The following CACHD1 variants were observed in gnomAD, a reference collection of about 807,000 sequenced individuals.
CACHD1 encodes the protein VWFA and cache domain-containing protein 1.
CACHD1 carries 71 observed loss-of-function variants against 138.7 expected under a neutral mutation model. That is an observed-to-expected ratio of 0.51 (90% CI 0.42 to 0.62). The LOEUF is 0.62. Ranked by LOEUF, CACHD1 falls within the 20% of genes least tolerant of loss-of-function variation. The pLI, the probability that CACHD1 is intolerant of heterozygous loss-of-function variation, is 0.00. For missense variants in CACHD1, 1,389 were observed against 1,625.3 expected, an observed-to-expected ratio of 0.85 and a Z score of 2.50; for synonymous variants, 578 against 591.5, an observed-to-expected ratio of 0.98 and a Z score of 0.33.
chr1:64,631,999 T>C (rs1222074132), intron 5 of CACHD1, among the ~76,000 whole-genome samples: 1 of 152,076 alleles, frequency 6.6e-6, no homozygotes, highest in Non-Finnish European at 1.5e-5. Context: ...TCACGGGTTA[T>C]AGGCTGCCTC....
At chr1:64,643,656 G>A (rs1648806790) in intron 8 of CACHD1, among the ~76,000 whole-genome samples, 1 of 152,134 alleles carries the variant, frequency 6.6e-6, no homozygotes, top group Admixed American at 6.5e-5. Flanking sequence ...CTAACACGGT[G>A]AAACCCCATC....
intron 1 of CACHD1, among the ~76,000 whole-genome samples, chr1:64,525,136 A>G (rs923089342): frequency 6.6e-6 from 1 of 152,198 alleles, no homozygotes; most frequent in Non-Finnish European, 1.5e-5. Context: ...GCATATTAAA[A>G]TATTATAATA....
At chr1:64,550,048 C>T (rs1646747382) in intron 1 of CACHD1, among the ~76,000 whole-genome samples, 1 of 152,058 alleles carries the variant, frequency 6.6e-6, no homozygotes, top group African/African-American at 2.4e-5. Context: ...TATTTCCTGG[C>T]ATGTAAGAAC....
At chr1:64,526,256 A>G (rs1646537669) in intron 1 of CACHD1, among the ~76,000 whole-genome samples, 2 of 152,154 alleles carry the variant, frequency 1.3e-5, no homozygotes. Flanking sequence ...GTTAAGGTGC[A>G]AGCAAGATTC....
intron 3 of CACHD1, among the ~76,000 whole-genome samples, chr1:64,602,465 A>G (rs1008529079): frequency 1.1e-5 from 1 of 89,750 alleles, no homozygotes; most frequent in Non-Finnish European, 2.3e-5. Context: ...CAGAGCTCCC[A>G]TCTGATTTTT....
rs561954358 is a variant in CACHD1, at chr1:64,537,229, T to C, written c.199-13365T>C. On this transcript the variant is annotated intron_variant, in intron 1 of 26. Coordinates refer to ENST00000651257, the MANE Select transcript of CACHD1 (RefSeq NM_020925.4). ...TTTAAAGGTTAGCCGATGATTGCGT[T>C]TTCCCCTCACCCAGTACTTATGCTG... Among the ~76,000 whole-genome samples the C allele has an allele frequency of 4.6e-5, 7 of 151,174 alleles. 1 individual carries two copies. The South Asian group carries it at 1.5e-3, about 32-fold the overall frequency.
At chr1:64,594,565 C>T (rs767452315) in intron 3 of CACHD1, among the ~76,000 whole-genome samples, 2 of 152,082 alleles carry the variant, frequency 1.3e-5, no homozygotes, top group Admixed American at 1.3e-4. Flanking sequence ...TGATGAGTAC[C>T]CTTATAGCAG....
intron 1 of CACHD1, among the ~76,000 whole-genome samples, chr1:64,471,732 AT>A (rs1646146510): frequency 6.6e-6 from 1 of 152,224 alleles, no homozygotes; most frequent in Admixed American, 6.5e-5. Flanking sequence ...AGCAAAGTGA[AT>A]AAGGTTCCCA....
intron 1 of CACHD1, among the ~76,000 whole-genome samples, chr1:64,515,673 C>T (rs1031247917): frequency 6.6e-6 from 1 of 152,194 alleles, no homozygotes; most frequent in African/African-American, 2.4e-5. Flanking sequence ...TGCTTGTTAG[C>T]TCCCTAGCTG....
chr1:64,550,868 T>A (rs866322425), intron 2 of CACHD1, among the ~76,000 whole-genome samples: 1 of 152,238 alleles, frequency 6.6e-6, no homozygotes, highest in Non-Finnish European at 1.5e-5. Context: ...CTATCCACGC[T>A]ATAATTTGGA....
chr1:64,681,541 GTTTTT>G (rs57993424), intron 25 of CACHD1, among the ~76,000 whole-genome samples: 34 of 68,150 alleles, frequency 5.0e-4, no homozygotes, highest in African/African-American at 1.8e-3. Context: ...ATTTTATTGT[GTTTTT>G]TTTTTTTTTT....
chr1:64,651,089 A>G (rs182461562), intron 9 of CACHD1, among the ~76,000 whole-genome samples: 1 of 151,868 alleles, frequency 6.6e-6, no homozygotes, highest in Non-Finnish European at 1.5e-5. Context: ...TAATTATCCT[A>G]TTGTTGTTGT....
chr1:64,686,865 A>T (rs1171399820), intron 26 of CACHD1, among the ~76,000 whole-genome samples: 3 of 152,226 alleles, frequency 2.0e-5, no homozygotes, highest in Non-Finnish European at 4.4e-5. Flanking sequence ...TTTGTAGATG[A>T]ACGTAAGACC....
At chr1:64,595,493 G>A (rs1191670494) in intron 3 of CACHD1, among the ~76,000 whole-genome samples, 3 of 152,102 alleles carry the variant, frequency 2.0e-5, no homozygotes, top group Non-Finnish European at 4.4e-5. Flanking sequence ...ATGGACAGGG[G>A]TGCTATGGAA....
Position 64,486,399 on chromosome 1 carries a change from TACACACAC to T in CACHD1, c.198+15463_198+15470del, listed in dbSNP as rs1174652990. Among the ~76,000 whole-genome samples the T allele has an allele frequency of 2.4e-4, 34 of 144,056 alleles. 1 individual carries two copies. In the Middle Eastern group the frequency reaches 0.011, roughly 46 times the overall value. 94.5% of individuals were successfully genotyped at this position (144,056 alleles called of 152,430 possible). ...ACACACACACACACACACATACACA[TACACACAC>T]ACACATACACACACACACGTATTCA... On this transcript the variant is annotated intron_variant, in intron 1 of 26. Coordinates refer to ENST00000651257, the MANE Select transcript of CACHD1 (RefSeq NM_020925.4).
intron 2 of CACHD1, among the ~76,000 whole-genome samples, chr1:64,557,246 C>T (rs1646805803): frequency 6.6e-6 from 1 of 151,694 alleles, no homozygotes; most frequent in Non-Finnish European, 1.5e-5. Context: ...CTGCAAAACA[C>T]AAAGAAGAAA....
intron 2 of CACHD1, among the ~76,000 whole-genome samples, chr1:64,565,326 A>G (rs1435606948): frequency 6.6e-6 from 1 of 152,038 alleles, no homozygotes; most frequent in Non-Finnish European, 1.5e-5. Context: ...TCATTGAATG[A>G]ATGAATGGAA....
chr1:64,536,524 A>G (rs562015977), intron 1 of CACHD1, among the ~76,000 whole-genome samples: 1 of 152,254 alleles, frequency 6.6e-6, no homozygotes, highest in Non-Finnish European at 1.5e-5. Context: ...TTCGGTGTGC[A>G]GTACAGCCAG....
chr1:64,686,333 A>T (rs1650370382), intron 26 of CACHD1, among the ~76,000 whole-genome samples: 1 of 152,252 alleles, frequency 6.6e-6, no homozygotes, highest in African/African-American at 2.4e-5. Context: ...ATGAAAATTG[A>T]ATGTTACCAA....
Sources: allele counts gnomAD v4.1 joint callset (sites outside exome capture counted in the v4.1 genomes callset), GRCh38; gene constraint gnomAD v4.1.1; transcripts MANE v1.5; gene names NCBI Gene and HGNC (gene_info 2026-07-23, HGNC 2026-07-21).